FAM124A: variants seen among roughly 807,000 people sequenced by gnomAD.
FAM124A encodes family with sequence similarity 124 member A, also known as protein FAM124A.
FAM124A carries 23 observed loss-of-function variants against 24.5 expected under a neutral mutation model. The ratio of observed to expected loss-of-function variants is 0.94; its 90% confidence interval spans 0.68 to 1.33. The LOEUF (loss-of-function observed/expected upper bound fraction) is 1.33, where lower values mean the gene tolerates loss of function less well. FAM124A is among the 40% of genes most tolerant of loss of function. The pLI is 0.00. For synonymous variants in FAM124A, 287 were observed against 314.7 expected, an observed-to-expected ratio of 0.91 and a Z score of 0.93; for missense variants, 623 against 722.8, an observed-to-expected ratio of 0.86 and a Z score of 1.58.
chr13:51,236,539 T>G (rs982842209), intron 2 of FAM124A, among the ~76,000 whole-genome samples: 1 of 152,274 alleles, frequency 6.6e-6, no homozygotes, highest in Admixed American at 6.5e-5. Context: ...ACATTTGTGA[T>G]AAGCCAATGT....
chr13:51,233,312 TC>T (rs796975975), intron 2 of FAM124A, among the ~76,000 whole-genome samples: 3 of 152,174 alleles, frequency 2.0e-5, no homozygotes, highest in African/African-American at 7.2e-5. Context: ...ACATCCTTGT[TC>T]CAGGCAGGAA....
Position 51,229,164 on chromosome 13 carries a change from C to T in FAM124A, c.69-2184C>T, listed in dbSNP as rs532145592. Among the ~76,000 whole-genome samples, 10 of 152,284 alleles carry T rather than the reference C, an allele frequency of 6.6e-5. No individual in the cohort carries two copies. In the South Asian group the frequency reaches 1.7e-3, roughly 25 times the overall value. ...TGTGTGTTTCCGTTGTGACGGTGGA[C>T]CCGGGTGAAAGTTGGACAGCAGAGC... On this transcript the variant is annotated intron_variant, in intron 1 of 3. Transcript: ENST00000322475.
At chr13:51,259,118 C>T (rs1380967520) in intron 3 of FAM124A, among the ~76,000 whole-genome samples, 1 of 152,182 alleles carries the variant, frequency 6.6e-6, no homozygotes, top group Non-Finnish European at 1.5e-5. Context: ...TCCCTGAGTC[C>T]TCTCTCATGA....
At chr13:51,230,812 T>C (rs146031880) in intron 1 of FAM124A, among the ~76,000 whole-genome samples, 1 of 152,342 alleles carries the variant, frequency 6.6e-6, no homozygotes, top group African/African-American at 2.4e-5. Flanking sequence ...TCTTCTCAGA[T>C]GGAACTGAAA....
At chr13:51,263,138 C>T (rs1219206697) in intron 3 of FAM124A, among the ~76,000 whole-genome samples, 1 of 152,178 alleles carries the variant, frequency 6.6e-6, no homozygotes, top group Non-Finnish European at 1.5e-5. Flanking sequence ...ACACGCTGGC[C>T]CTAAAGGGAG....
intron 2 of FAM124A, among the ~76,000 whole-genome samples, chr13:51,245,882 G>T (rs1018093397): frequency 1.3e-5 from 2 of 152,132 alleles, no homozygotes; most frequent in African/African-American, 4.8e-5. Context: ...AATTTAAATG[G>T]CCAGAAACAG....
At chr13:51,259,919 T>G (rs576977341) in intron 3 of FAM124A, among the ~76,000 whole-genome samples, 12 of 152,186 alleles carry the variant, frequency 7.9e-5, no homozygotes, top group African/African-American at 2.6e-4. Flanking sequence ...GATGGCAACC[T>G]TGGGCTGGTA....
intron 2 of FAM124A, among the ~76,000 whole-genome samples, chr13:51,243,750 G>A (rs527373178): frequency 1.3e-5 from 2 of 152,188 alleles, no homozygotes; most frequent in East Asian, 3.9e-4. Context: ...TGCCCAGGCT[G>A]GTCTTGAACT....
intron 2 of FAM124A, among the ~76,000 whole-genome samples, chr13:51,244,984 C>T (rs1954541573): frequency 6.6e-6 from 1 of 152,178 alleles, no homozygotes; most frequent in Non-Finnish European, 1.5e-5. Context: ...GGATAATACC[C>T]GAGGTTTGTT....
chr13:51,229,981 C>G (rs539830939), intron 1 of FAM124A, among the ~76,000 whole-genome samples: 1 of 152,128 alleles, frequency 6.6e-6, no homozygotes. Flanking sequence ...CTCCACCCAC[C>G]GTGCACACTC....
chr13:51,259,650 T>G (rs1190671385), intron 3 of FAM124A, among the ~76,000 whole-genome samples: 1 of 152,038 alleles, frequency 6.6e-6, no homozygotes, highest in Middle Eastern at 3.2e-3. Context: ...CCTCTCTCAT[T>G]CTCAGACACA....
At chr13:51,227,944 T>C (rs999164551) in intron 1 of FAM124A, among the ~76,000 whole-genome samples, 1 of 152,226 alleles carries the variant, frequency 6.6e-6, no homozygotes, top group African/African-American at 2.4e-5. Context: ...AATTTTTAAA[T>C]GGGATAGGTC....
chr13:51,239,672 T>C (rs999429592), intron 2 of FAM124A, among the ~76,000 whole-genome samples: 5 of 152,246 alleles, frequency 3.3e-5, no homozygotes, highest in South Asian at 2.1e-4. Context: ...ACTCCTACAA[T>C]TGGAATTGCT....
At chr13:51,262,768 C>T (rs953182897) in intron 3 of FAM124A, among the ~76,000 whole-genome samples, 12 of 152,316 alleles carry the variant, frequency 7.9e-5, no homozygotes, top group African/African-American at 1.9e-4. Flanking sequence ...CTAGGTTCTA[C>T]TAGTTTGGAT....
At chr13:51,277,532 C>T (rs923621448) in intron 3 of FAM124A, among the ~76,000 whole-genome samples, 1 of 152,208 alleles carries the variant, frequency 6.6e-6, no homozygotes, top group African/African-American at 2.4e-5. Flanking sequence ...TGGTGGCTCA[C>T]GCCTGTAATC....
At chr13:51,246,815 AC>A (rs1413013833) in intron 2 of FAM124A, among the ~76,000 whole-genome samples, 1 of 152,214 alleles carries the variant, frequency 6.6e-6, no homozygotes, top group East Asian at 1.9e-4. Flanking sequence ...CCTTTGTGTA[AC>A]TGATAGAGAT....
chr13:51,261,565 T>TCCATAGTGAACATAGATCTG (rs6145054), intron 3 of FAM124A, among the ~76,000 whole-genome samples: 26,566 of 152,168 alleles, frequency 0.17, 3,163 homozygotes, highest in African/African-American at 0.34. Context: ...GAACTATGAT[T>TCCATAGTGAACATAGATCTG]ACAGGCAGAT....
rs556511831 is a variant in FAM124A, at chr13:51,283,864, C to T, written c.*2608C>T. ...GTCCTTATTTCAGTGTGCTCACATG[C>T]TCGCCTAGGACTGCTTTAGAGTACA... On this transcript the variant is annotated 3_prime_UTR_variant, in exon 4 of 4. Transcript: ENST00000322475. 2.0e-5 allele frequency: 3 copies of T among 149,932 alleles called. No homozygotes were observed. The highest frequency in any genetic ancestry group is 2.0e-4 in the East Asian group (1 of 5,052). The allele number at this position is 149,932 out of a possible 1,614,324, so 9.3% of individuals were successfully genotyped here. A position where few individuals can be genotyped will look rare whatever the true frequency, so the allele number is the denominator to read the frequency against.
At position 51,239,961 on chromosome 13, in the gene FAM124A, T is replaced by C. The variant is rs1387520098; in HGVS notation, c.100+8582T>C. Reference sequence around the variant, plus strand: ...TCTTTTCTGCTGCCCTCACTGGAAGTGTGGTATTGATGACAATCCTGCTCC... The same window carrying C: ...TCTTTTCTGCTGCCCTCACTGGAAGCGTGGTATTGATGACAATCCTGCTCC... On this transcript the variant is annotated intron_variant, in intron 2 of 3. Coordinates refer to ENST00000322475, the MANE Select transcript of FAM124A (RefSeq NM_001242312.2). Among the ~76,000 whole-genome samples, 4 of 152,146 alleles carry C rather than the reference T, an allele frequency of 2.6e-5. No homozygotes were observed. In the East Asian group the frequency reaches 7.7e-4, roughly 29 times the overall value.
Sources: allele counts gnomAD v4.1 joint callset (sites outside exome capture counted in the v4.1 genomes callset), GRCh38; gene constraint gnomAD v4.1.1; transcripts MANE v1.5; gene names NCBI Gene and HGNC (gene_info 2026-07-23, HGNC 2026-07-21).